The following GRID1 variants were observed in gnomAD, a reference collection of about 807,000 sequenced individuals.
GRID1 encodes glutamate ionotropic receptor delta type subunit 1.
GRID1 carries 28 observed loss-of-function variants against 98.0 expected under a neutral mutation model. The ratio of observed to expected loss-of-function variants is 0.29; its 90% CI spans 0.21 to 0.39. GRID1 has a LOEUF of 0.39. Among genes scored for constraint, GRID1 ranks in the 10% least tolerant of loss-of-function variants. The pLI, the probability that GRID1 is intolerant of heterozygous loss-of-function variation, is 1.00. For missense variants in GRID1, 1,111 were observed against 1,340.5 expected (o/e 0.83, Z 2.67); for synonymous variants, 553 against 538.5 (o/e 1.03, Z -0.37).
chr10:85,898,266 T>TA (rs1270239220), intron 5 of GRID1, among the ~76,000 whole-genome samples: 1 of 152,184 alleles, frequency 6.6e-6, no homozygotes, highest in Non-Finnish European at 1.5e-5. Flanking sequence ...ATAGGACACT[T>TA]ACGATGAATG....
At chr10:85,715,731 G>A (rs1420337069) in intron 12 of GRID1, among the ~76,000 whole-genome samples, 1 of 152,118 alleles carries the variant, frequency 6.6e-6, no homozygotes, top group Non-Finnish European at 1.5e-5. Context: ...ATGAGAATAT[G>A]GAAAACAGTA....
intron 12 of GRID1, among the ~76,000 whole-genome samples, chr10:85,666,156 C>T (rs553111297): frequency 4.6e-5 from 7 of 152,326 alleles, no homozygotes; most frequent in Admixed American, 3.3e-4. Flanking sequence ...TTATTATGCA[C>T]TAAATTTCCA....
chr10:86,327,118 A>C (rs1848062015), intron 2 of GRID1, among the ~76,000 whole-genome samples: 1 of 152,230 alleles, frequency 6.6e-6, no homozygotes. Flanking sequence ...CCTGGGCGAC[A>C]GAGCAACACT....
At position 85,879,580 on chromosome 10, in the gene GRID1, A is replaced by G. The variant is rs541148655; in HGVS notation, c.781-10400T>C. Among the ~76,000 whole-genome samples, 785 of 152,118 alleles carry G rather than the reference A, an allele frequency of 5.2e-3. 5 individuals are homozygous for G. The highest frequency in any genetic ancestry group is 0.018 in the African/African-American group (741 of 41,360). ...GATGTTCTTTGAAACCAACGAGAAC[A>G]AAGACAAAACATACGAGAATCTCTG... On this transcript the variant is annotated intron_variant, in intron 5 of 15. Coordinates refer to ENST00000327946, the MANE Select transcript of GRID1 (RefSeq NM_017551.3).
intron 2 of GRID1, among the ~76,000 whole-genome samples, chr10:86,274,268 G>A (rs9421520): frequency 0.92 from 140,420 of 152,216 alleles, 65,499 homozygotes; most frequent in African/African-American, 0.96. Context: ...TTCCAGATCT[G>A]TATCTCTGTT....
chr10:85,953,709 C>A (rs571194283), intron 4 of GRID1, among the ~76,000 whole-genome samples: 3 of 152,346 alleles, frequency 2.0e-5, no homozygotes, highest in African/African-American at 7.2e-5. Flanking sequence ...ATTTCACAGT[C>A]TCTCTGTATA....
At chr10:85,801,147 A>G (rs923457131) in intron 8 of GRID1, among the ~76,000 whole-genome samples, 6 of 152,080 alleles carry the variant, frequency 3.9e-5, no homozygotes, top group African/African-American at 1.2e-4. Flanking sequence ...AATAACTTTT[A>G]GAAGTTAGAA....
chr10:86,156,497 G>T (rs12246939), intron 3 of GRID1, among the ~76,000 whole-genome samples: 9,290 of 152,240 alleles, frequency 0.061, 519 homozygotes, highest in African/African-American at 0.14. Flanking sequence ...TCCAATGGGG[G>T]AAGCTGGGGT....
intron 2 of GRID1, among the ~76,000 whole-genome samples, chr10:86,214,209 C>G (rs1846144682): frequency 6.6e-6 from 1 of 152,154 alleles, no homozygotes; most frequent in Non-Finnish European, 1.5e-5. Context: ...ACCCACAGGC[C>G]CAGCATACTC....
intron 6 of GRID1, among the ~76,000 whole-genome samples, chr10:85,860,761 A>G (rs11815119): frequency 0.022 from 3,325 of 152,308 alleles, 111 homozygotes; most frequent in African/African-American, 0.076. Context: ...GCAAGCACTC[A>G]ATAAATGTTG....
intron 4 of GRID1, among the ~76,000 whole-genome samples, chr10:85,937,940 A>G (rs975983607): frequency 2.0e-5 from 3 of 152,222 alleles, no homozygotes; most frequent in African/African-American, 7.2e-5. Context: ...AGATATTCAC[A>G]TCAAGAAGTT....
At chr10:85,997,272 C>T (rs752273380) in intron 4 of GRID1, among the ~76,000 whole-genome samples, 14 of 151,870 alleles carry the variant, frequency 9.2e-5, no homozygotes, top group Admixed American at 2.0e-4. Context: ...TGGTAGTGGG[C>T]ACCTGTAATC....
chr10:85,790,212 T>A (rs920902302), intron 8 of GRID1, among the ~76,000 whole-genome samples: 3 of 152,180 alleles, frequency 2.0e-5, no homozygotes, highest in African/African-American at 7.2e-5. Flanking sequence ...CAAGGCTGTG[T>A]TTCCCTTCGT....
At position 85,759,997 on chromosome 10, in the gene GRID1, C is replaced by T. The variant is rs527340222; in HGVS notation, c.1234-30383G>A. Among the ~76,000 whole-genome samples, 76 of 152,304 alleles carry T rather than the reference C, an allele frequency of 5.0e-4. 1 individual carries two copies. In the South Asian group the frequency reaches 0.015, roughly 31 times the overall value. On this transcript the variant is annotated intron_variant, in intron 8 of 15. Coordinates refer to ENST00000327946, the MANE Select transcript of GRID1 (RefSeq NM_017551.3). The stretch of plus-strand genomic sequence containing the variant: ...GGACTTGCTCTCTCTCGCCCCATAT[C>T]ACCATTACATTCTCAAGTCTCCAGG...
intron 8 of GRID1, among the ~76,000 whole-genome samples, chr10:85,822,379 A>G (rs1265106819): frequency 6.6e-6 from 1 of 152,206 alleles, no homozygotes; most frequent in African/African-American, 2.4e-5. Flanking sequence ...TGGGCTAAGG[A>G]TATGAACAGA....
At chr10:85,688,659 G>A (rs1841296766) in intron 12 of GRID1, among the ~76,000 whole-genome samples, 1 of 152,232 alleles carries the variant, frequency 6.6e-6, no homozygotes, top group Non-Finnish European at 1.5e-5. Context: ...ACGATGTCCT[G>A]TGGGAAACAA....
intron 12 of GRID1, among the ~76,000 whole-genome samples, chr10:85,707,115 A>C (rs1290615616): frequency 6.6e-6 from 1 of 152,212 alleles, no homozygotes; most frequent in African/African-American, 2.4e-5. Flanking sequence ...GACAAATGGG[A>C]TCTAATTAAA....
intron 4 of GRID1, among the ~76,000 whole-genome samples, chr10:85,973,613 A>G (rs1403842663): frequency 6.6e-6 from 1 of 152,142 alleles, no homozygotes; most frequent in Admixed American, 6.5e-5. Flanking sequence ...CTATTTTCTA[A>G]CTATTTCTAT....
At chr10:85,746,683 A>C (rs1842000425) in intron 8 of GRID1, among the ~76,000 whole-genome samples, 1 of 152,088 alleles carries the variant, frequency 6.6e-6, no homozygotes, top group Non-Finnish European at 1.5e-5. Context: ...GTCTTTCAGT[A>C]ACTCCCACCA....
Sources: allele counts gnomAD v4.1 joint callset (sites outside exome capture counted in the v4.1 genomes callset), GRCh38; gene constraint gnomAD v4.1.1; transcripts MANE v1.5; gene names NCBI Gene and HGNC (gene_info 2026-07-23, HGNC 2026-07-21).